Variants in PIP4P2 observed in about 807,000 individuals in gnomAD.
The protein encoded by PIP4P2 is phosphatidylinositol-4,5-bisphosphate 4-phosphatase 2, also known as type 2 phosphatidylinositol 4,5-bisphosphate 4-phosphatase.
PIP4P2 carries 19 observed loss-of-function variants against 33.3 expected under a neutral mutation model. That is an observed-to-expected ratio of 0.57 (90% CI 0.40 to 0.84). The LOEUF is 0.84. Among genes scored for constraint, PIP4P2 ranks in the 40% least tolerant of loss-of-function variants. The pLI, the probability that PIP4P2 is intolerant of heterozygous loss-of-function variation, is 0.00. For missense variants in PIP4P2, 270 were observed against 324.7 expected (o/e 0.83, Z 1.29); for synonymous variants, 110 against 111.9 (o/e 0.98, Z 0.11).
chr8:91,040,162 G>A (rs1812284437), intron 1 of PIP4P2, among the ~76,000 whole-genome samples: 1 of 152,176 alleles, frequency 6.6e-6, no homozygotes, highest in Non-Finnish European at 1.5e-5. Context: ...TTGGGTGAAT[G>A]GTAGCAGAAG....
chr8:91,008,826 AGAAAACAACT>A, intron 4 of PIP4P2, 31 bp from the exon 5 acceptor site: 1 of 1,564,282 alleles, frequency 6.4e-7, no homozygotes, highest in Non-Finnish European at 8.8e-7. Context: ...GGAATTGAAA[AGAAAACAACT>A]GAAAACTATC....
rs1477580771 is a variant in PIP4P2 at position 90,994,509 on chromosome 8, A to G, written c.*1168T>C. 1.3e-5 allele frequency: 2 copies of G among 152,678 alleles called. No individual in the cohort carries two copies. Among genetic ancestry groups the G allele is most frequent in the South Asian group, 2.1e-4 (1 of 4,828 alleles). 9.5% of individuals were successfully genotyped at this position (152,678 alleles called of 1,614,324 possible). On this transcript the variant is annotated 3_prime_UTR_variant, in exon 7 of 7. Transcript: ENST00000285419. ...CTGTCTAATTCTACTACATTTAAAG[A>G]CTGTAGAACATTTGTGATTAAGCAA...
chr8:91,033,091 G>C (rs185816099), intron 1 of PIP4P2, among the ~76,000 whole-genome samples: 13 of 152,176 alleles, frequency 8.5e-5, no homozygotes, highest in African/African-American at 3.1e-4. Flanking sequence ...AGGAAATTGA[G>C]AGCATCGTCT....
intron 1 of PIP4P2, among the ~76,000 whole-genome samples, chr8:91,037,184 A>G (rs1812242290): frequency 6.6e-6 from 1 of 152,232 alleles, no homozygotes; most frequent in Non-Finnish European, 1.5e-5. Flanking sequence ...ATCAGAAGAC[A>G]TAGTTCTTTG....
intron 1 of PIP4P2, among the ~76,000 whole-genome samples, chr8:91,022,074 T>A (rs1288087435): frequency 6.6e-6 from 1 of 152,068 alleles, no homozygotes; most frequent in Non-Finnish European, 1.5e-5. Context: ...ATGTAAGAAA[T>A]GCACCAAAGT....
chr8:91,017,562 T>C (rs769454205), intron 4 of PIP4P2, among the ~76,000 whole-genome samples: 1 of 152,104 alleles, frequency 6.6e-6, no homozygotes, highest in Non-Finnish European at 1.5e-5. Flanking sequence ...TTTAGAACTA[T>C]ATACATAAAG....
intron 1 of PIP4P2, among the ~76,000 whole-genome samples, chr8:91,023,058 T>C (rs901862300): frequency 7.2e-5 from 11 of 152,096 alleles, no homozygotes; most frequent in African/African-American, 2.2e-4. Context: ...AAAGAAACAA[T>C]GAGTCAACAA....
chr8:90,996,787 T>TA, intron 5 of PIP4P2, 43 bp from the exon 6 acceptor site: 1 of 1,490,252 alleles, frequency 6.7e-7, no homozygotes, highest in South Asian at 1.3e-5. Flanking sequence ...AGTATTTACA[T>TA]AAAAATTCTC....
chr8:91,020,974 AAAGT>A (rs1384790461), intron 2 of PIP4P2, among the ~76,000 whole-genome samples: 2 of 152,200 alleles, frequency 1.3e-5, no homozygotes, highest in African/African-American at 4.8e-5. Flanking sequence ...ATAGATATTG[AAAGT>A]ATTTATACGT....
chr8:91,034,474 C>A (rs747764919), intron 1 of PIP4P2, among the ~76,000 whole-genome samples: 3 of 152,164 alleles, frequency 2.0e-5, no homozygotes, highest in Admixed American at 1.3e-4. Flanking sequence ...GAGGATGTGG[C>A]CTCAGTGAAG....
chr8:91,001,991 T>C (rs959486042), intron 5 of PIP4P2, among the ~76,000 whole-genome samples: 5 of 152,182 alleles, frequency 3.3e-5, no homozygotes, highest in Non-Finnish European at 7.3e-5. Flanking sequence ...TTCACTGTTC[T>C]TATAAATTTT....
intron 1 of PIP4P2, among the ~76,000 whole-genome samples, chr8:91,031,961 A>G (rs1161582099): frequency 6.6e-6 from 1 of 152,142 alleles, no homozygotes; most frequent in Non-Finnish European, 1.5e-5. Flanking sequence ...AAGTGTGTCC[A>G]GCTTCCTAAG....
At chr8:91,007,275 CTA>C (rs1811775958) in intron 5 of PIP4P2, among the ~76,000 whole-genome samples, 1 of 152,124 alleles carries the variant, frequency 6.6e-6, no homozygotes, top group Non-Finnish European at 1.5e-5. Flanking sequence ...AAAAAAGAAA[CTA>C]TTTTTTATAA....
At chr8:91,023,272 A>G (rs1812036303) in intron 1 of PIP4P2, among the ~76,000 whole-genome samples, 1 of 151,736 alleles carries the variant, frequency 6.6e-6, no homozygotes, top group African/African-American at 2.4e-5. Flanking sequence ...TTGTACAGTA[A>G]CATTACATAG....
In PIP4P2 at chr8:90,993,994, T is replaced by A. The variant is rs1333822078; in HGVS notation, c.*1683A>T. The A allele has an allele frequency of 6.6e-6, 1 of 152,120 alleles. No homozygotes were observed. The highest frequency in any genetic ancestry group is 1.5e-5 in the Non-Finnish European group (1 of 68,000). 9.4% of individuals were successfully genotyped at this position (152,120 alleles called of 1,614,324 possible). A position where few individuals can be genotyped will look rare whatever the true frequency, so the allele number is the denominator to read the frequency against. ...ATATAATTTAATGTGAGCTTTCCAATCAATGAGGGAAAGAATGGATTATTC... is the reference window on the plus strand; with the variant it reads ...ATATAATTTAATGTGAGCTTTCCAAACAATGAGGGAAAGAATGGATTATTC... On this transcript the variant is annotated 3_prime_UTR_variant, in exon 7 of 7. Coordinates refer to ENST00000285419, the MANE Select transcript of PIP4P2 (RefSeq NM_018710.3).
chr8:91,008,017 A>T (rs533665054), intron 5 of PIP4P2, among the ~76,000 whole-genome samples: 1 of 152,198 alleles, frequency 6.6e-6, no homozygotes, highest in South Asian at 2.1e-4. Context: ...TCTTGTCCCT[A>T]GTTTCCTCCA....
intron 5 of PIP4P2, among the ~76,000 whole-genome samples, chr8:90,999,241 A>G (rs1227890299): frequency 1.3e-5 from 2 of 152,138 alleles, no homozygotes; most frequent in African/African-American, 4.8e-5. Flanking sequence ...CAGAATTAAT[A>G]CTACTAAAAA....
In PIP4P2 at chr8:91,018,383, G is replaced by A; in HGVS notation, c.486+7C>T. ...TACAGATTAATGACAAATGTCCAGT[G>A]ACTTACCAGGAATGTGTTTCCACAG... On this transcript the variant is annotated splice_region_variant and intron_variant, in intron 4 of 6. Coordinates refer to ENST00000285419, the MANE Select transcript of PIP4P2 (RefSeq NM_018710.3). 6.2e-7 allele frequency: 1 copy of A among 1,613,890 alleles called. No homozygotes were observed. The highest frequency in any genetic ancestry group is 8.5e-7 in the Non-Finnish European group (1 of 1,179,868).
intron 1 of PIP4P2, among the ~76,000 whole-genome samples, chr8:91,029,719 C>G (rs1445030800): frequency 6.6e-6 from 1 of 152,172 alleles, no homozygotes; most frequent in Non-Finnish European, 1.5e-5. Context: ...ATATGTAGTG[C>G]AAATGCTTTG....
Sources: allele counts gnomAD v4.1 joint callset (sites outside exome capture counted in the v4.1 genomes callset), GRCh38; gene constraint gnomAD v4.1.1; transcripts MANE v1.5; gene names NCBI Gene and HGNC (gene_info 2026-07-23, HGNC 2026-07-21).